Variants in TNFRSF10A observed in about 807,000 individuals in gnomAD.
TNFRSF10A encodes the protein TNF receptor superfamily member 10a, also known as tumor necrosis factor receptor superfamily member 10A.
A neutral mutation model predicts 42.8 loss-of-function variants in TNFRSF10A; 44 were observed. The observed-to-expected ratio is 1.03, with a 90% CI of 0.81 to 1.32. The LOEUF (loss-of-function observed/expected upper bound fraction) is 1.32. Ranked by LOEUF, TNFRSF10A falls within the 40% of genes most tolerant of loss-of-function variation. TNFRSF10A has a pLI of 0.00. For missense variants in TNFRSF10A, 680 were observed against 602.0 expected (o/e 1.13, Z -1.36); for synonymous variants, 259 against 234.2 (o/e 1.11, Z -0.97).
intron 2 of TNFRSF10A, among the ~76,000 whole-genome samples, chr8:23,206,174 A>G (rs190177702): frequency 6.6e-6 from 1 of 152,334 alleles, no homozygotes; most frequent in East Asian, 1.9e-4. Flanking sequence ...TGTTAAAACG[A>G]GTGAAAAAGT....
chr8:23,218,946 C>T (rs1300707437), intron 1 of TNFRSF10A, among the ~76,000 whole-genome samples: 8 of 152,214 alleles, frequency 5.3e-5, no homozygotes, highest in African/African-American at 1.9e-4. Flanking sequence ...TCAGCACATG[C>T]TGTTGTTAGT....
At position 23,215,946 on chromosome 8, in the gene TNFRSF10A, G is replaced by A. The variant is rs570483700; in HGVS notation, c.307-3734C>T. Among the ~76,000 whole-genome samples, 3 of 152,102 alleles carry A rather than the reference G, an allele frequency of 2.0e-5. No homozygotes were observed. The East Asian group carries it at 5.8e-4, about 29-fold the overall frequency. Reference sequence around the variant, plus strand: ...CGATTCTCCTGCCTCAGCCTCCGGAGTAGCTGGGATTACAGGCATGTGCCA... The same window carrying A: ...CGATTCTCCTGCCTCAGCCTCCGGAATAGCTGGGATTACAGGCATGTGCCA... On this transcript the variant is annotated intron_variant, in intron 1 of 9. Coordinates refer to ENST00000221132, the MANE Select transcript of TNFRSF10A (RefSeq NM_003844.4).
intron 1 of TNFRSF10A, among the ~76,000 whole-genome samples, chr8:23,218,182 GA>G (rs1026675105): frequency 3.9e-5 from 6 of 151,900 alleles, no homozygotes; most frequent in Non-Finnish European, 7.4e-5. Flanking sequence ...GAGAGAGGGA[GA>G]GAGAGAAAGA....
intron 1 of TNFRSF10A, among the ~76,000 whole-genome samples, chr8:23,223,212 G>C (rs1264855867): frequency 2.0e-5 from 3 of 151,996 alleles, no homozygotes; most frequent in Admixed American, 2.0e-4. Context: ...ACTACAGGCG[G>C]CCACCACCAC....
intron 1 of TNFRSF10A, among the ~76,000 whole-genome samples, chr8:23,221,613 G>A (rs1449145399): frequency 1.3e-5 from 2 of 152,156 alleles, no homozygotes; most frequent in African/African-American, 4.8e-5. Flanking sequence ...GGCATGGCGG[G>A]TGGCAGGAAC....
chr8:23,200,346 G>T (rs967541454), intron 6 of TNFRSF10A, among the ~76,000 whole-genome samples, 159 bp downstream of exon 6: 1 of 152,054 alleles, frequency 6.6e-6, no homozygotes, highest in Non-Finnish European at 1.5e-5. Flanking sequence ...GGGCCCTAGG[G>T]TTGCACAGGA....
Position 23,196,447 on chromosome 8 carries a change from C to T in TNFRSF10A, c.1087+685G>A, listed in dbSNP as rs913060726. The stretch of plus-strand genomic sequence containing the variant: ...TCCTGACCTTGTGATTCGCCCGCCT[C>T]GGCCTCCCAAAGTACTGGGATTACA... On this transcript the variant is annotated intron_variant, in intron 9 of 9. Coordinates refer to ENST00000221132, the MANE Select transcript of TNFRSF10A (RefSeq NM_003844.4). Among the ~76,000 whole-genome samples, 10 of 152,244 alleles carry T rather than the reference C, an allele frequency of 6.6e-5. No individual in the cohort carries two copies. The East Asian group carries it at 7.7e-4, about 12-fold the overall frequency.
chr8:23,215,055 C>G (rs187750703), intron 1 of TNFRSF10A, among the ~76,000 whole-genome samples: 5 of 152,032 alleles, frequency 3.3e-5, no homozygotes, highest in Non-Finnish European at 7.4e-5. Context: ...TGTGGTTATA[C>G]GGGAGAATGT....
intron 1 of TNFRSF10A, 50 bp from the exon 2 acceptor site, chr8:23,212,262 A>G (rs781145257): frequency 2.6e-5 from 39 of 1,493,662 alleles, no homozygotes; most frequent in Non-Finnish European, 3.2e-5. Context: ...GATCTCACCC[A>G]TTACAAGATC....
At chr8:23,211,411 T>C (rs994735471) in intron 2 of TNFRSF10A, among the ~76,000 whole-genome samples, 1 of 152,158 alleles carries the variant, frequency 6.6e-6, no homozygotes, top group Non-Finnish European at 1.5e-5. Context: ...ATGATTTAAA[T>C]AAATCAAAAA....
intron 2 of TNFRSF10A, chr8:23,207,287 C>G (rs1373041857): frequency 1.7e-6 from 1 of 600,822 alleles, no homozygotes; most frequent in African/African-American, 1.8e-5. Flanking sequence ...CTGATTAGGC[C>G]TGATGGAGAG....
intron 1 of TNFRSF10A, among the ~76,000 whole-genome samples, chr8:23,218,308 T>A (rs1269579590): frequency 6.6e-6 from 1 of 152,088 alleles, no homozygotes; most frequent in Non-Finnish European, 1.5e-5. Context: ...CTTGTTCCTC[T>A]CGGATTAGCA....
chr8:23,207,088 C>T, intron 2 of TNFRSF10A: 2 of 537,356 alleles, frequency 3.7e-6, no homozygotes, highest in Non-Finnish European at 7.1e-6. Flanking sequence ...CTGGAGAGCA[C>T]CCCCAGGAGA....
At position 23,199,916 on chromosome 8, in the gene TNFRSF10A, A is replaced by G; in HGVS notation, c.801T>C (p.Gly267=). Residue 267 remains glycine, a splice_region_variant and synonymous_variant, in exon 7 of 10, where the codon GGT becomes GGC. Transcript: ENST00000221132. ...VLIVCCCIGS[G]CGGDPKCMDR... is the part of the protein sequence containing the mutation. ...CCATGCACTTGGGGTCCCCTCCACA[A>G]CCTAGAAGAGAAGACGGTTCCCTTA... The G allele has an allele frequency of 5.6e-6, 9 of 1,613,090 alleles. No homozygotes were observed. Among genetic ancestry groups the G allele is most frequent in the Non-Finnish European group, 7.6e-6 (9 of 1,179,572 alleles).
At position 23,199,870 on chromosome 8, in the gene TNFRSF10A, G is replaced by A; in HGVS notation, c.831+16C>T. ...TGAGCCCCTGATGCCCCCAGCTCCT[G>A]GAGAAATCAACTCACCCTGTCCATG... is the stretch of plus-strand genomic sequence containing the variant. On this transcript the variant is annotated intron_variant, in intron 7 of 9. Transcript: ENST00000221132. 6.2e-7 allele frequency: 1 copy of A among 1,614,140 alleles called. No homozygotes were observed. Among genetic ancestry groups the A allele is most frequent in the Non-Finnish European group, 8.5e-7 (1 of 1,179,996 alleles).
At position 23,202,733 on chromosome 8, in the gene TNFRSF10A, G is replaced by A; in HGVS notation, c.432C>T (p.Ala144=). 3.1e-6 allele frequency: 5 copies of A among 1,613,912 alleles called. No homozygotes were observed. The highest frequency in any genetic ancestry group is 4.2e-6 in the Non-Finnish European group (5 of 1,179,810). The change falls in exon 3 of 10, where the codon GCC becomes GCT. Residue 144 remains alanine (A), a synonymous_variant. Transcript: ENST00000221132. ...CCACACCCTCTGTGCACCGGTTACA[G>A]GCTCCAGGATGTTCTGATCTATGAG... ...PGSHRSEHPG[A]CNRCTEGVGY...
At chr8:23,196,111 A>T (rs1800819637) in intron 9 of TNFRSF10A, among the ~76,000 whole-genome samples, 1 of 152,146 alleles carries the variant, frequency 6.6e-6, no homozygotes, top group Non-Finnish European at 1.5e-5. Context: ...CTTACAAATC[A>T]CTACATCCAA....
chr8:23,191,691 C>G lies in TNFRSF10A; in HGVS notation c.*3G>C. ...AGAGGAAACCTCTGGTAAAAAGAGT[C>G]TTTCACTCCAAGGACACGGCAGAGC... On this transcript the variant is annotated 3_prime_UTR_variant, in exon 10 of 10. Transcript: ENST00000221132. The G allele has an allele frequency of 6.2e-7, 1 of 1,610,520 alleles. No homozygotes were observed. Among genetic ancestry groups the G allele is most frequent in the Non-Finnish European group, 8.5e-7 (1 of 1,178,288 alleles).
At chr8:23,192,540 C>T (rs921544209) in intron 9 of TNFRSF10A, among the ~76,000 whole-genome samples, 2 of 152,186 alleles carry the variant, frequency 1.3e-5, no homozygotes, top group African/African-American at 4.8e-5. Flanking sequence ...ACAGAGCAAA[C>T]CTGCCCAGAT....
Sources: gnomAD v4.1 joint callset for allele counts (sites outside exome capture counted in the v4.1 genomes callset) on GRCh38, gnomAD v4.1.1 for gene constraint, MANE v1.5 for transcripts, NCBI Gene and HGNC (gene_info 2026-07-23, HGNC 2026-07-21) for gene names.